CHD8: variants seen among roughly 807,000 people sequenced by gnomAD.
CHD8 encodes the protein ATP-dependent chromatin remodeler CHD8.
In CHD8, 31 loss-of-function variants were observed where a neutral mutation model predicts 279.2. The ratio of observed to expected loss-of-function variants is 0.11; its 90% CI spans 0.08 to 0.15. The LOEUF (loss-of-function observed/expected upper bound fraction) is 0.15, where lower values mean the gene tolerates loss of function less well. Ranked by LOEUF, CHD8 falls within the 10% of genes least tolerant of loss-of-function variation. The pLI is 1.00. For synonymous variants in CHD8, 1,081 were observed against 1,139.6 expected, an observed-to-expected ratio of 0.95 and a Z score of 1.04; for missense variants, 2,146 against 3,230.5, an observed-to-expected ratio of 0.66 and a Z score of 8.14.
rs542503396 is a variant in CHD8 at position 21,403,969 on chromosome 14, G to A, written c.3308-306C>T. The stretch of plus-strand genomic sequence containing the variant: ...CAAAAATTAGCCAGGTGTGGTGGCG[G>A]AGGCCTGTAGTTCCAGCTACTCAGG... On this transcript the variant is annotated intron_variant, in intron 16 of 37. Coordinates refer to ENST00000646647, the MANE Select transcript of CHD8 (RefSeq NM_001170629.2). The surrounding 1 kb of genome is among the most constrained non-coding windows in gnomAD (Gnocchi z 4.3). Among the ~76,000 whole-genome samples the A allele has an allele frequency of 7.2e-4, 110 of 152,120 alleles. No individual in the cohort carries two copies. Among genetic ancestry groups the A allele is most frequent in the African/African-American group, 2.6e-3 (109 of 41,520 alleles).
intron 36 of CHD8, 59 bp from the exon 37 acceptor site, chr14:21,391,122 T>G: frequency 9.3e-7 from 1 of 1,072,222 alleles, no homozygotes; most frequent in Non-Finnish European, 1.4e-6. Flanking sequence ...GAGTAATTAT[T>G]AAAGTACTAG....
chr14:21,427,297 C>T (rs1167975415), intron 4 of CHD8: 3 of 396,326 alleles, frequency 7.6e-6, no homozygotes, highest in Admixed American at 8.0e-5. Context: ...CTTGCCCGTC[C>T]CATCCCAATA....
chr14:21,431,112 T>A lies in CHD8; in HGVS notation c.532A>T (p.Ile178Phe). Residue 178 changes from isoleucine to phenylalanine, a missense_variant, in exon 2 of 38, where the codon ATT (isoleucine) becomes TTT (phenylalanine). By Grantham distance (21) the Ile-to-Phe change is conservative. Transcript: ENST00000646647. Reference protein sequence around the residue: ...SSVTGAHVAQIQAQGITSTAQ... With the variant: ...SSVTGAHVAQFQAQGITSTAQ... ...GTGCTGGTGATACCTTGGGCCTGAA[T>A]TTGTGCCACATGGGCACCAGTGACT... The A allele has an allele frequency of 5.0e-6, 8 of 1,599,174 alleles. No homozygotes were observed. Among genetic ancestry groups the A allele is most frequent in the Non-Finnish European group, 6.8e-6 (8 of 1,179,650 alleles).
At chr14:21,415,193 G>GTAA (rs1888660910) in intron 7 of CHD8, 200 bp from the exon 8 acceptor site, 1 of 525,750 alleles carries the variant, frequency 1.9e-6, no homozygotes, top group Middle Eastern at 5.0e-4. Context: ...CTCTAAACAG[G>GTAA]TAAGTAAAAG....
chr14:21,398,502 G>A (rs1887888752), intron 26 of CHD8: 1 of 152,298 alleles, frequency 6.6e-6, no homozygotes, highest in Non-Finnish European at 1.5e-5. Context: ...AAAGTGCTGG[G>A]ATTACAGGCA....
At chr14:21,390,503 T>G (rs954312241) in intron 37 of CHD8, among the ~76,000 whole-genome samples, 6 of 152,044 alleles carry the variant, frequency 3.9e-5, no homozygotes, top group African/African-American at 1.4e-4. Context: ...CTGGGCCAGG[T>G]GCAGTGTGGC....
At position 21,402,856 on chromosome 14, in the gene CHD8, T is replaced by C. The variant is rs1241225307; in HGVS notation, c.3714+161A>G. Among the ~76,000 whole-genome samples, 1 of 152,222 alleles carries C rather than the reference T, an allele frequency of 6.6e-6. No individual in the cohort carries two copies. Among genetic ancestry groups the C allele is most frequent in the Non-Finnish European group, 1.5e-5 (1 of 68,032 alleles). ...ACAAAGCCTAAAACATTTACTGTCT[T>C]GTCGTTTACAGAAAACGTTTGCTGA... On this transcript the variant is annotated intron_variant, in intron 18 of 37. Coordinates refer to ENST00000646647, the MANE Select transcript of CHD8 (RefSeq NM_001170629.2). The surrounding 1 kb of genome is among the most constrained non-coding windows in gnomAD (Gnocchi z 4.5).
intron 1 of CHD8, among the ~76,000 whole-genome samples, chr14:21,433,095 C>T (rs933113934): frequency 1.3e-5 from 2 of 152,164 alleles, no homozygotes; most frequent in Non-Finnish European, 2.9e-5. Context: ...ATCTGTGGAT[C>T]CCCTAAGAAC....
chr14:21,427,563 C>G (rs543692380), intron 4 of CHD8: 12 of 1,348,194 alleles, frequency 8.9e-6, no homozygotes, highest in Admixed American at 2.8e-5. Context: ...CTTGAGCTTA[C>G]TCTTGCACGT....
chr14:21,429,775 T>C (rs1249477993), intron 2 of CHD8: 1 of 290,308 alleles, frequency 3.4e-6, no homozygotes, highest in African/African-American at 2.2e-5. Flanking sequence ...CCTGAGTAGC[T>C]GGTACTATAG....
At chr14:21,407,105 C>T (rs1247363627) in intron 13 of CHD8, 73 bp from the exon 14 acceptor site, 3 of 1,294,778 alleles carry the variant, frequency 2.3e-6, no homozygotes, top group South Asian at 1.5e-5. Flanking sequence ...GAATTACTTG[C>T]CTATATTAAG....
Position 21,385,530 on chromosome 14 carries a change from C to T in CHD8, c.*83G>A. On this transcript the variant is annotated 3_prime_UTR_variant, in exon 38 of 38. Coordinates refer to ENST00000646647, the MANE Select transcript of CHD8 (RefSeq NM_001170629.2). ...CCTGGACTTCCCCACATCTCCCCTG[C>T]CCCTCCCACGTTTCCATAGTCCAAG... The T allele has an allele frequency of 1.4e-6, 2 of 1,458,938 alleles. No homozygotes were observed. The highest frequency in any genetic ancestry group is 2.8e-5 in the African/African-American group (2 of 70,446). The allele number at this position is 1,458,938 out of a possible 1,614,324, so 90.4% of individuals were successfully genotyped here.
At chr14:21,435,479 ACT>A (rs1182535334) in intron 1 of CHD8, among the ~76,000 whole-genome samples, 3 of 151,822 alleles carry the variant, frequency 2.0e-5, no homozygotes, top group African/African-American at 7.3e-5. Context: ...TAGAGTCCCA[ACT>A]CTCTCATTCT....
At chr14:21,391,141 G>T in intron 36 of CHD8, 78 bp from the exon 37 acceptor site, 4 of 969,156 alleles carry the variant, frequency 4.1e-6, no homozygotes, top group South Asian at 1.4e-5. Context: ...AGTGTCTTTT[G>T]TTTGATAATA....
chr14:21,424,142 A>T (rs1378601875), intron 5 of CHD8, among the ~76,000 whole-genome samples: 2 of 152,254 alleles, frequency 1.3e-5, no homozygotes, highest in Non-Finnish European at 2.9e-5. Flanking sequence ...TCTTATAGAC[A>T]GTTCATAAAT....
At chr14:21,389,052 A>G (rs1363342402) in intron 37 of CHD8, among the ~76,000 whole-genome samples, 1 of 152,200 alleles carries the variant, frequency 6.6e-6, no homozygotes, top group Non-Finnish European at 1.5e-5. Flanking sequence ...CTGTAATCCC[A>G]ACACTTTGGG....
chr14:21,401,137 A>G lies in CHD8; in HGVS notation c.4174-66T>C, dbSNP rs1888013857. On this transcript the variant is annotated intron_variant, in intron 21 of 37. Transcript: ENST00000646647. ...TTGCTCATGGGAAAAGAATAAGACAATTAGGGATTACAATAACATTGGATG... is the reference window on the plus strand; with the variant it reads ...TTGCTCATGGGAAAAGAATAAGACAGTTAGGGATTACAATAACATTGGATG... 4 of 1,174,682 alleles carry G rather than the reference A, an allele frequency of 3.4e-6. No individual in the cohort carries two copies. The East Asian group carries it at 7.7e-5, about 23-fold the overall frequency. 72.8% of individuals were successfully genotyped at this position (1,174,682 alleles called of 1,614,324 possible).
Position 21,402,087 on chromosome 14 carries a change from G to A in CHD8, c.3932C>T (p.Ala1311Val). 6.2e-7 allele frequency: 1 copy of A among 1,611,686 alleles called. No individual in the cohort carries two copies. Among genetic ancestry groups the A allele is most frequent in the Non-Finnish European group, 8.5e-7 (1 of 1,179,250 alleles). ...ATCTTCCTCCATGATGGCTGCATAT[G>A]CTCCTTTTCTTAAAAGATCTTCAAT... ...KEIEDLLRKGAYAAIMEEDDE... is the reference protein window; with the variant it reads ...KEIEDLLRKGVYAAIMEEDDE... Residue 1311 changes from alanine (A) to valine (V), a missense_variant, in exon 20 of 38, where the codon GCA becomes GTA. Transcript: ENST00000646647. This position sits in a 1 kb window ranked among gnomAD's most constrained non-coding sequence, Gnocchi z 4.5.
chr14:21,425,261 C>T (rs538631413), intron 5 of CHD8: 1 of 151,692 alleles, frequency 6.6e-6, no homozygotes, highest in East Asian at 1.9e-4. Flanking sequence ...AATCAAGCAG[C>T]ATGATTTCAT....
Sources: allele counts gnomAD v4.1 joint callset (sites outside exome capture counted in the v4.1 genomes callset), GRCh38; gene constraint gnomAD v4.1.1; non-coding constraint Gnocchi (gnomAD v3.1); transcripts MANE v1.5; gene names NCBI Gene and HGNC (gene_info 2026-07-23, HGNC 2026-07-21).